The following TMEM196 variants were observed in gnomAD, a reference collection of about 807,000 sequenced individuals.
TMEM196 encodes transmembrane protein 196.
TMEM196 carries 17 observed loss-of-function variants against 20.0 expected under a neutral mutation model. That is an observed-to-expected ratio of 0.85 (90% confidence interval 0.58 to 1.27). The LOEUF is 1.27. Ranked by LOEUF, TMEM196 falls within the 50% of genes most tolerant of loss-of-function variation. The pLI, the probability that TMEM196 is intolerant of heterozygous loss-of-function variation, is 0.00. For synonymous variants in TMEM196, 113 were observed against 88.9 expected (o/e 1.27, Z -1.52); for missense variants, 267 against 223.0 (o/e 1.20, Z -1.26).
At chr7:19,755,388 T>A (rs1311299691) in intron 1 of TMEM196, among the ~76,000 whole-genome samples, 1 of 152,188 alleles carries the variant, frequency 6.6e-6, no homozygotes, top group Non-Finnish European at 1.5e-5. Context: ...TGGTGATGAA[T>A]AGATCGATGA....
At chr7:19,722,237 T>G (rs1783838238) in intron 4 of TMEM196, 103 bp from the exon 5 acceptor site, 1 of 975,274 alleles carries the variant, frequency 1.0e-6, no homozygotes, top group Non-Finnish European at 1.6e-6. Flanking sequence ...TTGAAAAACT[T>G]GCTAAGTTTT....
chr7:19,720,770 C>T lies in TMEM196; in HGVS notation c.*1358G>A, dbSNP rs181039904. The T allele has an allele frequency of 6.6e-6, 1 of 151,886 alleles. No individual in the cohort carries two copies. The highest frequency in any genetic ancestry group is 2.4e-5 in the African/African-American group (1 of 41,514). 9.4% of individuals were successfully genotyped at this position (151,886 alleles called of 1,614,324 possible). On this transcript the variant is annotated 3_prime_UTR_variant, in exon 5 of 5. Transcript: ENST00000405844. Reference sequence around the variant, plus strand: ...TTCTTTCAGGATCTTTGGATATAGGCTTTCTTATATATGGACTGCCTATAT... The same window carrying T: ...TTCTTTCAGGATCTTTGGATATAGGTTTTCTTATATATGGACTGCCTATAT...
intron 1 of TMEM196, among the ~76,000 whole-genome samples, chr7:19,750,501 A>G (rs1784918733): frequency 6.6e-6 from 1 of 152,050 alleles, no homozygotes; most frequent in Admixed American, 6.6e-5. Context: ...TTCGTATCTC[A>G]CAAGAACTCC....
intron 4 of TMEM196, among the ~76,000 whole-genome samples, chr7:19,722,386 T>C (rs1034362815): frequency 4.6e-5 from 7 of 152,122 alleles, no homozygotes; most frequent in Non-Finnish European, 1.0e-4. Flanking sequence ...CTCCCCACTT[T>C]CCTGAGTTTC....
intron 1 of TMEM196, among the ~76,000 whole-genome samples, chr7:19,761,111 C>G (rs1323488666): frequency 4.6e-5 from 7 of 152,204 alleles, no homozygotes; most frequent in African/African-American, 1.7e-4. Context: ...GATCCCTGAG[C>G]CTTCCTTGCC....
At chr7:19,749,987 CTT>C (rs1219079717) in intron 1 of TMEM196, among the ~76,000 whole-genome samples, 4 of 152,166 alleles carry the variant, frequency 2.6e-5, no homozygotes, top group African/African-American at 9.7e-5. Context: ...TCCTAAATGA[CTT>C]TGATTGTTAG....
In TMEM196 at chr7:19,725,544, G is replaced by C. The variant is rs1483977402; in HGVS notation, c.429C>G (p.Ser143=). The change falls in exon 3 of 5, where the codon TCC becomes TCG. Residue 143 remains serine, a synonymous_variant. Coordinates refer to ENST00000405844, the MANE Select transcript of TMEM196 (RefSeq NM_001363562.2). ...QRRMFSEREH[S]LHHSHEMAEK... ...CAGCCATTTCATGAGAGTGATGCAG[G>C]GAATGCTCCCTTTCTGAGAACATCC... 2 of 1,612,498 alleles carry C rather than the reference G, an allele frequency of 1.2e-6. No individual in the cohort carries two copies.
chr7:19,758,183 C>T (rs973744451), intron 1 of TMEM196, among the ~76,000 whole-genome samples: 6 of 152,100 alleles, frequency 3.9e-5, no homozygotes, highest in African/African-American at 7.2e-5. Context: ...AATTCACTTA[C>T]TTATCCAAAT....
At chr7:19,734,739 T>G (rs1348352951) in intron 1 of TMEM196, among the ~76,000 whole-genome samples, 1 of 152,154 alleles carries the variant, frequency 6.6e-6, no homozygotes, top group Non-Finnish European at 1.5e-5. Context: ...AAAGACTAAT[T>G]TTAGACTTCT....
At chr7:19,766,907 G>A (rs1182899722) in intron 1 of TMEM196, among the ~76,000 whole-genome samples, 1 of 151,994 alleles carries the variant, frequency 6.6e-6, no homozygotes, top group Non-Finnish European at 1.5e-5. Flanking sequence ...CATAATTAAG[G>A]CAATACAGAG....
At chr7:19,730,239 G>C (rs935005489) in intron 1 of TMEM196, among the ~76,000 whole-genome samples, 17 of 148,130 alleles carry the variant, frequency 1.1e-4, no homozygotes, top group African/African-American at 3.8e-4. Context: ...CTGGGTGACG[G>C]AGCAAGACTC....
intron 1 of TMEM196, among the ~76,000 whole-genome samples, chr7:19,734,573 A>C (rs2128019085): frequency 6.6e-6 from 1 of 152,320 alleles, no homozygotes; most frequent in Admixed American, 6.5e-5. Context: ...TGTTGACAGA[A>C]ACAAAGAGAC....
At chr7:19,768,182 T>C (rs1378364712) in intron 1 of TMEM196, among the ~76,000 whole-genome samples, 1 of 152,104 alleles carries the variant, frequency 6.6e-6, no homozygotes, top group Non-Finnish European at 1.5e-5. Context: ...CATTAAATGA[T>C]TTAGATAAGA....
At chr7:19,735,404 A>G (rs2189567) in intron 1 of TMEM196, among the ~76,000 whole-genome samples, 26,477 of 152,160 alleles carry the variant, frequency 0.17, 2,778 homozygotes, top group East Asian at 0.55. Flanking sequence ...TTTCTCTAAA[A>G]TGAGTAAAAC....
chr7:19,759,765 T>C (rs969273815), intron 1 of TMEM196, among the ~76,000 whole-genome samples: 4 of 152,152 alleles, frequency 2.6e-5, no homozygotes, highest in Non-Finnish European at 4.4e-5. Flanking sequence ...GTAATTATTC[T>C]TAATACATCC....
At chr7:19,740,798 G>T (rs1042858079) in intron 1 of TMEM196, among the ~76,000 whole-genome samples, 1 of 152,060 alleles carries the variant, frequency 6.6e-6, no homozygotes, top group Non-Finnish European at 1.5e-5. Context: ...TGGAGGGTCA[G>T]GTATTTCAGG....
chr7:19,756,883 T>C lies in TMEM196; in HGVS notation c.147+15667A>G, dbSNP rs1000240247. On this transcript the variant is annotated intron_variant, in intron 1 of 4. Coordinates refer to ENST00000405844, the MANE Select transcript of TMEM196 (RefSeq NM_001363562.2). ...TTAGGTTAATTCCATGTCTTTGTTA[T>C]GGTGAATAGTGTAAAGCACATCTTA... Among the ~76,000 whole-genome samples the C allele has an allele frequency of 2.0e-5, 3 of 152,058 alleles. No individual in the cohort carries two copies. The East Asian group carries it at 5.8e-4, about 29-fold the overall frequency.
At position 19,721,910 on chromosome 7, in the gene TMEM196, A is replaced by G. The variant is rs1160634525; in HGVS notation, c.*218T>C. 6.6e-6 allele frequency: 4 copies of G among 605,086 alleles called. No individual in the cohort carries two copies. Among genetic ancestry groups the G allele is most frequent in the Admixed American group, 3.8e-5 (1 of 25,982 alleles). 37.5% of individuals were successfully genotyped at this position (605,086 alleles called of 1,614,324 possible). On this transcript the variant is annotated 3_prime_UTR_variant, in exon 5 of 5. Coordinates refer to ENST00000405844, the MANE Select transcript of TMEM196 (RefSeq NM_001363562.2). ...CTGGAAAGTTTTTTACCCCATAAAAAAGGGTGGAGAAACCAGTGAGGCAAT... is the reference window on the plus strand; with the variant it reads ...CTGGAAAGTTTTTTACCCCATAAAAGAGGGTGGAGAAACCAGTGAGGCAAT...
At chr7:19,732,477 G>A (rs1255066899) in intron 1 of TMEM196, among the ~76,000 whole-genome samples, 1 of 151,372 alleles carries the variant, frequency 6.6e-6, no homozygotes, top group Non-Finnish European at 1.5e-5. Context: ...GGAGGGGGAG[G>A]CAGCAGAATC....
Sources: gnomAD v4.1 joint callset for allele counts (sites outside exome capture counted in the v4.1 genomes callset) on GRCh38, gnomAD v4.1.1 for gene constraint, MANE v1.5 for transcripts, NCBI Gene and HGNC (gene_info 2026-07-23, HGNC 2026-07-21) for gene names.